RBFOX1: variants seen among roughly 807,000 people sequenced by gnomAD.
RBFOX1 encodes the protein RNA binding fox-1 homolog 1.
Under a neutral mutation model 57.7 loss-of-function variants are expected in RBFOX1, and 8 were observed. The observed-to-expected ratio is 0.14, with a 90% CI of 0.08 to 0.25. RBFOX1 has a LOEUF of 0.25. Among genes scored for constraint, RBFOX1 ranks in the 10% least tolerant of loss-of-function variants. The pLI, the probability that RBFOX1 is intolerant of heterozygous loss-of-function variation, is 1.00. For synonymous variants in RBFOX1, 326 were observed against 222.4 expected (o/e 1.47, Z -4.15); for missense variants, 611 against 548.5 (o/e 1.11, Z -1.14).
rs113970445 is a variant in RBFOX1 at position 6,758,177 on chromosome 16, C to T, written c.-16+103527C>T. 8.4e-3 allele frequency among the ~76,000 whole-genome samples: 1,276 copies of T among 152,144 alleles called. 12 individuals carry two copies. Among genetic ancestry groups the T allele is most frequent in the Non-Finnish European group, 0.011 (751 of 68,016 alleles). On this transcript the variant is annotated intron_variant, in intron 3 of 15. Coordinates refer to ENST00000550418, the MANE Select transcript of RBFOX1 (RefSeq NM_018723.4). ...ACTTCAGGTACTGTCCTCTTAATGT[C>T]TTGCTGTGAGATTTGAGATCCAAGA...
At chr16:7,271,379 A>G (rs372243678) in intron 4 of RBFOX1, among the ~76,000 whole-genome samples, 4 of 150,870 alleles carry the variant, frequency 2.7e-5, no homozygotes, top group Non-Finnish European at 5.9e-5. Context: ...ACTCTCCCCA[A>G]TCCATGTAGT....
intron 3 of RBFOX1, among the ~76,000 whole-genome samples, chr16:5,673,440 A>C (rs534104022): frequency 6.6e-6 from 1 of 152,220 alleles, no homozygotes; most frequent in South Asian, 2.1e-4. Flanking sequence ...ACTTCTGTGG[A>C]TTTCCTTCCT....
intron 3 of RBFOX1, among the ~76,000 whole-genome samples, chr16:6,924,497 A>C (rs1399568447): frequency 2.6e-5 from 4 of 152,012 alleles, no homozygotes; most frequent in Non-Finnish European, 5.9e-5. Context: ...CCCATAACTC[A>C]AATATTTCCC....
intron 3 of RBFOX1, among the ~76,000 whole-genome samples, chr16:6,780,923 GT>G (rs1422459810): frequency 1.3e-5 from 2 of 151,984 alleles, no homozygotes; most frequent in Non-Finnish European, 2.9e-5. Context: ...GTTGGCAAAT[GT>G]TTTCTTCCAT....
intron 1 of RBFOX1, among the ~76,000 whole-genome samples, chr16:6,288,040 A>T (rs754871736): frequency 2.0e-5 from 3 of 152,078 alleles, no homozygotes; most frequent in Admixed American, 6.6e-5. Flanking sequence ...GGCACCTGGA[A>T]CTCTGCTAAC....
At chr16:5,971,398 G>A (rs1285746564) in intron 4 of RBFOX1, among the ~76,000 whole-genome samples, 1 of 152,132 alleles carries the variant, frequency 6.6e-6, no homozygotes, top group African/African-American at 2.4e-5. Flanking sequence ...CTGGGTGTGG[G>A]GACCATAGAT....
chr16:6,574,560 C>T (rs1600297528), intron 2 of RBFOX1, among the ~76,000 whole-genome samples: 2 of 149,986 alleles, frequency 1.3e-5, no homozygotes, highest in African/African-American at 2.4e-5. Context: ...TCCCAAGTAG[C>T]TGGGACTACA....
At chr16:6,459,600 G>T (rs1315244724) in intron 2 of RBFOX1, among the ~76,000 whole-genome samples, 1 of 152,068 alleles carries the variant, frequency 6.6e-6, no homozygotes, top group African/African-American at 2.4e-5. Context: ...TATCTTTAAA[G>T]ATTAATAAGG....
At chr16:6,461,220 G>A (rs1211339618) in intron 2 of RBFOX1, among the ~76,000 whole-genome samples, 3 of 152,084 alleles carry the variant, frequency 2.0e-5, no homozygotes, top group Non-Finnish European at 2.9e-5. Context: ...TACCTATGTA[G>A]TGCACCCACA....
chr16:5,246,941 G>A (rs1387156139), intron 1 of RBFOX1, among the ~76,000 whole-genome samples: 4 of 152,146 alleles, frequency 2.6e-5, no homozygotes, highest in Non-Finnish European at 2.9e-5. Flanking sequence ...AAAGTGCTGG[G>A]ATTACAGACA....
intron 4 of RBFOX1, among the ~76,000 whole-genome samples, chr16:7,344,501 A>T (rs1008476780): frequency 1.3e-5 from 2 of 150,826 alleles, no homozygotes; most frequent in African/African-American, 2.4e-5. Flanking sequence ...TTATAGGATA[A>T]TTATATATAA....
intron 2 of RBFOX1, among the ~76,000 whole-genome samples, chr16:6,580,596 G>A (rs1036539381): frequency 2.0e-5 from 3 of 152,110 alleles, no homozygotes; most frequent in African/African-American, 7.2e-5. Flanking sequence ...CACAGGGGGG[G>A]ATGCATAATA....
At chr16:6,213,455 G>A (rs952572816) in intron 1 of RBFOX1, among the ~76,000 whole-genome samples, 1 of 152,146 alleles carries the variant, frequency 6.6e-6, no homozygotes, top group Admixed American at 6.5e-5. Context: ...CTAGACAGCT[G>A]CCTCAGCTGC....
rs528488414 is a variant in RBFOX1, at chr16:6,645,791, G to A, written c.-63-8812G>A. Among the ~76,000 whole-genome samples, 34 of 152,262 alleles carry A rather than the reference G, an allele frequency of 2.2e-4. No homozygotes were observed. In the South Asian group the frequency reaches 6.8e-3, roughly 31 times the overall value. On this transcript the variant is annotated intron_variant, in intron 2 of 15. Coordinates refer to ENST00000550418, the MANE Select transcript of RBFOX1 (RefSeq NM_018723.4). ...TAACTTGCCATATGCTAAGACCCTGGCGTGTATTGGATATGCCTAGCCACA... is the reference window on the plus strand; with the variant it reads ...TAACTTGCCATATGCTAAGACCCTGACGTGTATTGGATATGCCTAGCCACA...
At chr16:7,582,891 C>G (rs1246656276) in intron 6 of RBFOX1, among the ~76,000 whole-genome samples, 1 of 152,124 alleles carries the variant, frequency 6.6e-6, no homozygotes, top group African/African-American at 2.4e-5. Context: ...AAAAAGCAAC[C>G]TCCTTCTTCA....
chr16:7,149,502 T>C (rs867696075), intron 4 of RBFOX1, among the ~76,000 whole-genome samples: 1,334 of 56,904 alleles, frequency 0.023, 22 homozygotes, highest in African/African-American at 0.068. Flanking sequence ...TTTTTTTTTT[T>C]CCCCGACAGG....
At chr16:7,358,502 C>T (rs922232524) in intron 4 of RBFOX1, among the ~76,000 whole-genome samples, 1 of 152,054 alleles carries the variant, frequency 6.6e-6, no homozygotes. Flanking sequence ...CTCACTGCAA[C>T]CTCCACCTCC....
intron 4 of RBFOX1, among the ~76,000 whole-genome samples, chr16:5,873,672 A>G (rs1305623938): frequency 6.6e-6 from 1 of 152,226 alleles, no homozygotes; most frequent in Non-Finnish European, 1.5e-5. Flanking sequence ...TTATAGCATT[A>G]TAGAATAAAT....
At chr16:7,386,540 G>A (rs896425655) in intron 4 of RBFOX1, among the ~76,000 whole-genome samples, 3 of 152,022 alleles carry the variant, frequency 2.0e-5, no homozygotes, top group Middle Eastern at 3.4e-3. Flanking sequence ...CCATGTCCCT[G>A]CAAAGGACAT....
Sources: gnomAD v4.1 joint callset for allele counts (sites outside exome capture counted in the v4.1 genomes callset) on GRCh38, gnomAD v4.1.1 for gene constraint, MANE v1.5 for transcripts, NCBI Gene and HGNC (gene_info 2026-07-23, HGNC 2026-07-21) for gene names.